The following AFF1 variants were observed in gnomAD, a reference collection of about 807,000 sequenced individuals.
AFF1 encodes the protein AF4/FMR2 family member 1.
Under a neutral mutation model 121.7 loss-of-function variants are expected in AFF1, and 48 were observed. The ratio of observed to expected loss-of-function variants is 0.39; its 90% CI spans 0.31 to 0.50. The LOEUF (loss-of-function observed/expected upper bound fraction) is 0.50. Ranked by LOEUF, AFF1 falls within the 20% of genes least tolerant of loss-of-function variation. The pLI is 0.76. For synonymous variants in AFF1, 613 were observed against 563.0 expected (o/e 1.09, Z -1.26); for missense variants, 1,523 against 1,511.7 (o/e 1.01, Z -0.12).
intron 12 of AFF1, among the ~76,000 whole-genome samples, chr4:87,117,646 G>A (rs541411363): frequency 7.9e-5 from 12 of 152,288 alleles, no homozygotes; most frequent in Middle Eastern, 3.4e-3. Context: ...TCATGATCTA[G>A]GCAAACAGAA....
At chr4:87,022,580 A>C (rs199861115) in intron 2 of AFF1, among the ~76,000 whole-genome samples, 2,014 of 89,276 alleles carry the variant, frequency 0.023, 100 homozygotes, top group East Asian at 0.12. Flanking sequence ...ATATATATAT[A>C]TATCTATCTA....
intron 1 of AFF1, among the ~76,000 whole-genome samples, chr4:86,939,209 G>A (rs1184883261): frequency 6.6e-6 from 1 of 152,138 alleles, no homozygotes; most frequent in Non-Finnish European, 1.5e-5. Flanking sequence ...AATCATTTAA[G>A]CCTAATTGTG....
chr4:87,007,461 C>G (rs376301766), intron 2 of AFF1: 4 of 1,613,442 alleles, frequency 2.5e-6, no homozygotes, highest in Middle Eastern at 3.3e-4. Context: ...CAAACGCGTT[C>G]GTGGCGAGGG....
chr4:87,045,685 A>T (rs1730615526), intron 2 of AFF1, among the ~76,000 whole-genome samples: 1 of 152,074 alleles, frequency 6.6e-6, no homozygotes, highest in Non-Finnish European at 1.5e-5. Context: ...GGTGCCTGGT[A>T]ATCTTTTAAT....
At chr4:87,107,299 A>G (rs1232701428) in intron 10 of AFF1, among the ~76,000 whole-genome samples, 1 of 152,246 alleles carries the variant, frequency 6.6e-6, no homozygotes, top group Non-Finnish European at 1.5e-5. Flanking sequence ...TTATTGCTTT[A>G]ATTAATACCA....
intron 2 of AFF1, among the ~76,000 whole-genome samples, chr4:87,001,884 C>T (rs1314311469): frequency 6.6e-6 from 1 of 152,162 alleles, no homozygotes; most frequent in Non-Finnish European, 1.5e-5. Flanking sequence ...CTTGAGCACC[C>T]TTCTCTTGGC....
intron 7 of AFF1, among the ~76,000 whole-genome samples, chr4:87,094,545 A>G (rs965493102): frequency 3.3e-5 from 5 of 152,186 alleles, no homozygotes; most frequent in African/African-American, 1.2e-4. Context: ...GTGATAACAA[A>G]TCACTAATAT....
At chr4:86,951,471 T>A (rs1338721194) in intron 2 of AFF1, among the ~76,000 whole-genome samples, 1 of 152,184 alleles carries the variant, frequency 6.6e-6, no homozygotes, top group Non-Finnish European at 1.5e-5. Flanking sequence ...TTGACCCTCT[T>A]AACTTGCAAC....
chr4:87,030,969 C>G (rs147448850), intron 2 of AFF1, among the ~76,000 whole-genome samples: 6 of 152,238 alleles, frequency 3.9e-5, no homozygotes, highest in Non-Finnish European at 7.4e-5. Flanking sequence ...CATCCACACT[C>G]GGTTCATTTC....
intron 2 of AFF1, among the ~76,000 whole-genome samples, chr4:87,003,877 A>G (rs1261732326): frequency 1.3e-5 from 2 of 152,230 alleles, no homozygotes; most frequent in South Asian, 2.1e-4. Context: ...GTTGTCCGAT[A>G]TAGATTTCTT....
chr4:87,000,886 T>A (rs1034134631), intron 2 of AFF1, among the ~76,000 whole-genome samples: 2 of 152,188 alleles, frequency 1.3e-5, no homozygotes, highest in African/African-American at 4.8e-5. Context: ...CCTACAAGAA[T>A]GTTGAAAAAC....
In AFF1 at chr4:87,138,173, G is replaced by A. The variant is rs1014425005; in HGVS notation, c.*2472G>A. 1.7e-5 allele frequency: 4 copies of A among 232,252 alleles called. No homozygotes were observed. The highest frequency in any genetic ancestry group is 4.4e-5 in the African/African-American group (2 of 45,252). The allele number at this position is 232,252 out of a possible 1,614,324, so 14.4% of individuals were successfully genotyped here. On this transcript the variant is annotated 3_prime_UTR_variant, in exon 21 of 21. Coordinates refer to ENST00000395146, the MANE Select transcript of AFF1 (RefSeq NM_001166693.3). ...TTGTACCTAAAGGAGAGTAACTAAT[G>A]GTAACCTTTTTAATAGAGTATGTGA... is the stretch of plus-strand genomic sequence containing the variant.
intron 14 of AFF1, 118 bp from the exon 15 acceptor site, chr4:87,126,908 T>G: frequency 1.2e-6 from 1 of 830,528 alleles, no homozygotes; most frequent in Non-Finnish European, 1.9e-6. Context: ...AGATTGTGCA[T>G]TGTTTGATTT....
At position 87,055,017 on chromosome 4, in the gene AFF1, A is replaced by C. The variant is rs141083586; in HGVS notation, c.1059+7423A>C. 2.9e-3 allele frequency among the ~76,000 whole-genome samples: 442 copies of C among 152,172 alleles called. 2 individuals carry two copies. The highest frequency in any genetic ancestry group is 0.01 in the African/African-American group (416 of 41,530). Reference sequence around the variant, plus strand: ...GCAATCTTTAGAGTTTCTCTCTCTCACCCGGGCTGGAATGCAGTAGCACGA... The same window carrying C: ...GCAATCTTTAGAGTTTCTCTCTCTCCCCCGGGCTGGAATGCAGTAGCACGA... On this transcript the variant is annotated intron_variant, in intron 4 of 20. Transcript: ENST00000395146.
intron 2 of AFF1, among the ~76,000 whole-genome samples, chr4:86,951,615 C>CTTTTTTTTTTTTTTTTTTTT (rs748093135): frequency 8.8e-5 from 11 of 124,942 alleles, no homozygotes; most frequent in African/African-American, 3.3e-4. Flanking sequence ...TTTCTTTTTT[C>CTTTTTTTTTTTTTTTTTTTT]TTTTTTTCTT....
chr4:87,130,824 A>G (rs913128112), intron 16 of AFF1, among the ~76,000 whole-genome samples: 4 of 152,218 alleles, frequency 2.6e-5, no homozygotes, highest in African/African-American at 9.6e-5. Flanking sequence ...TAGTTTGCGT[A>G]TGTGCTTTCA....
intron 4 of AFF1, among the ~76,000 whole-genome samples, chr4:87,052,003 A>C (rs1283236866): frequency 6.6e-6 from 1 of 152,236 alleles, no homozygotes; most frequent in African/African-American, 2.4e-5. Flanking sequence ...GGTGGTCAGC[A>C]CAGGACCCTC....
At chr4:86,944,509 A>AT (rs199887498) in intron 1 of AFF1, among the ~76,000 whole-genome samples, 10,504 of 151,742 alleles carry the variant, frequency 0.069, 727 homozygotes, top group African/African-American at 0.18. Context: ...CGCTTGGCTA[A>AT]TTTTTTTTGT....
At chr4:87,116,111 C>T (rs1727095370) in intron 12 of AFF1, among the ~76,000 whole-genome samples, 1 of 152,220 alleles carries the variant, frequency 6.6e-6, no homozygotes, top group East Asian at 1.9e-4. Flanking sequence ...CATGACCATA[C>T]AACACCTCTT....
Sources: allele counts gnomAD v4.1 joint callset (sites outside exome capture counted in the v4.1 genomes callset), GRCh38; gene constraint gnomAD v4.1.1; transcripts MANE v1.5; gene names NCBI Gene and HGNC (gene_info 2026-07-23, HGNC 2026-07-21).